The following MRPS31 variants were observed in gnomAD, a reference collection of about 807,000 sequenced individuals.
MRPS31 encodes mitochondrial ribosomal protein S31.
A neutral mutation model predicts 43.1 loss-of-function variants in MRPS31; 32 were observed. The ratio of observed to expected loss-of-function variants is 0.74; its 90% CI spans 0.56 to 1.00. MRPS31 has a LOEUF of 1.00. Ranked by LOEUF, MRPS31 falls within the 50% of genes least tolerant of loss-of-function variation. MRPS31 has a pLI of 0.00. For synonymous variants in MRPS31, 165 were observed against 161.6 expected (o/e 1.02, Z -0.16); for missense variants, 437 against 466.7 (o/e 0.94, Z 0.59).
rs374234655 is a variant in MRPS31 at position 40,729,508 on chromosome 13, A to T, written c.1052T>A (p.Met351Lys). 1.1e-5 allele frequency: 17 copies of T among 1,613,940 alleles called. No homozygotes were observed. Among genetic ancestry groups the T allele is most frequent in the Non-Finnish European group, 1.4e-5 (17 of 1,179,952 alleles). ...FPKQGPIRHF[M>K]ELVTCGLSKN... is the part of the protein sequence containing the mutation. ...GGAAAGGCCACAAGTCACCAGCTCC[A>T]TGAAGTGGCGAATTGGTCCTTGTTT... The change falls in exon 7 of 7, where the codon ATG (methionine) becomes AAG (lysine). Residue 351 changes from methionine (M) to lysine (K), a missense_variant. By Grantham distance (95) the Met-to-Lys change is moderately conservative. Coordinates refer to ENST00000323563, the MANE Select transcript of MRPS31 (RefSeq NM_005830.4).
At chr13:40,769,168 G>C (rs1262738834) in intron 1 of MRPS31, among the ~76,000 whole-genome samples, 2 of 151,584 alleles carry the variant, frequency 1.3e-5, no homozygotes, top group African/African-American at 4.9e-5. Context: ...ATGAGGTCAG[G>C]AGTTCAAGAC....
Position 40,769,446 on chromosome 13 carries a change from T to C in MRPS31, c.152+1539A>G, listed in dbSNP as rs899763374. ...TTATCAAGTTCTCAAAGCCAGAAAA[T>C]GGCAGCCGCAGGTTAAGGATACTTA... On this transcript the variant is annotated intron_variant, in intron 1 of 6. Coordinates refer to ENST00000323563, the MANE Select transcript of MRPS31 (RefSeq NM_005830.4). Among the ~76,000 whole-genome samples the C allele has an allele frequency of 6.0e-5, 8 of 133,454 alleles. No individual in the cohort carries two copies. In the East Asian group the frequency reaches 1.6e-3, roughly 28 times the overall value. The allele number at this position is 133,454 out of a possible 152,430, so 87.6% of individuals were successfully genotyped here. A position where few individuals can be genotyped will look rare whatever the true frequency, so the allele number is the denominator to read the frequency against.
chr13:40,744,185 A>G (rs781083440), intron 6 of MRPS31, among the ~76,000 whole-genome samples: 9 of 152,178 alleles, frequency 5.9e-5, no homozygotes, highest in Non-Finnish European at 1.0e-4. Flanking sequence ...AATGACAGAC[A>G]CTGGGGCCTA....
chr13:40,739,069 T>C (rs946952150), intron 6 of MRPS31, among the ~76,000 whole-genome samples: 1 of 152,222 alleles, frequency 6.6e-6, no homozygotes, highest in Non-Finnish European at 1.5e-5. Flanking sequence ...CTCCTTAAGC[T>C]GATAAGCAAC....
chr13:40,764,249 C>T (rs1880781472), intron 2 of MRPS31, among the ~76,000 whole-genome samples: 2 of 152,100 alleles, frequency 1.3e-5, no homozygotes, highest in Admixed American at 1.3e-4. Context: ...TGCACAAGCC[C>T]CTTACATAAA....
At chr13:40,765,431 CAATTAT>C (rs1416019431) in intron 2 of MRPS31, among the ~76,000 whole-genome samples, 11 of 152,254 alleles carry the variant, frequency 7.2e-5, no homozygotes, top group African/African-American at 1.9e-4. Flanking sequence ...ATCGTTAATT[CAATTAT>C]AATTATAATA....
intron 4 of MRPS31, among the ~76,000 whole-genome samples, chr13:40,756,105 T>C (rs1593449618): frequency 6.6e-6 from 1 of 152,192 alleles, no homozygotes; most frequent in East Asian, 1.9e-4. Flanking sequence ...AAGAGTTAAC[T>C]CAAGTTTCTG....
At chr13:40,764,775 C>A (rs1354964816) in intron 2 of MRPS31, among the ~76,000 whole-genome samples, 1 of 152,178 alleles carries the variant, frequency 6.6e-6, no homozygotes, top group Non-Finnish European at 1.5e-5. Context: ...ACAATTCCAG[C>A]CTCAGACTTC....
At chr13:40,739,724 C>T (rs919985726) in intron 6 of MRPS31, among the ~76,000 whole-genome samples, 4 of 151,038 alleles carry the variant, frequency 2.6e-5, no homozygotes, top group African/African-American at 4.9e-5. Flanking sequence ...GCTGGGAAAA[C>T]GGGCTAGCCA....
intron 6 of MRPS31, among the ~76,000 whole-genome samples, chr13:40,746,613 C>T (rs551122484): frequency 3.3e-5 from 5 of 152,314 alleles, no homozygotes; most frequent in Admixed American, 1.3e-4. Flanking sequence ...AATTTGATCA[C>T]TCAAGATTTT....
chr13:40,764,575 C>T (rs1160528548), intron 2 of MRPS31, among the ~76,000 whole-genome samples: 1 of 152,114 alleles, frequency 6.6e-6, no homozygotes, highest in African/African-American at 2.4e-5. Context: ...TATTACAAGG[C>T]TAGGTCATTA....
chr13:40,763,763 G>A (rs927614253), intron 2 of MRPS31, among the ~76,000 whole-genome samples: 9 of 152,210 alleles, frequency 5.9e-5, no homozygotes, highest in African/African-American at 2.2e-4. Flanking sequence ...GAACAAGATA[G>A]AGGTAACACA....
rs74220471 is a variant in MRPS31, at chr13:40,734,210, A to G, written c.959-4609T>C. 2.0e-3 allele frequency among the ~76,000 whole-genome samples: 308 copies of G among 152,312 alleles called. 4 individuals are homozygous for G. In the East Asian group the frequency reaches 0.047, roughly 23 times the overall value. ...TAAACCATTAAAAAAGTACCAAGAC[A>G]GAGGAAAGATATTTTATATATCAAG... On this transcript the variant is annotated intron_variant, in intron 6 of 6. Coordinates refer to ENST00000323563, the MANE Select transcript of MRPS31 (RefSeq NM_005830.4).
intron 6 of MRPS31, among the ~76,000 whole-genome samples, chr13:40,744,196 T>C (rs1381312552): frequency 6.6e-6 from 1 of 152,160 alleles, no homozygotes; most frequent in Non-Finnish European, 1.5e-5. Flanking sequence ...CTGGGGCCTA[T>C]TTGAGGGTGG....
rs1428313616 is a variant in MRPS31 at position 40,729,470 on chromosome 13, G to T, written c.1090C>A (p.Leu364Ile). 7 of 1,611,976 alleles carry T rather than the reference G, an allele frequency of 4.3e-6. No individual in the cohort carries two copies. The South Asian group carries it at 6.6e-5, about 15-fold the overall frequency. The change falls in exon 7 of 7, where the codon CTT (leucine) becomes ATT (isoleucine). Residue 364 changes from leucine to isoleucine, a missense_variant. Leu to Ile is a conservative substitution (Grantham distance 5). Transcript: ENST00000323563. The stretch of plus-strand genomic sequence containing the variant: ...TGTTCAACCTTCTGTTTAACACTAA[G>T]ATATGGGTTTTTGGAAAGGCCACAA... ...VTCGLSKNPY[L>I]SVKQKVEHIE...
chr13:40,765,512 T>C (rs1448753311), intron 2 of MRPS31, among the ~76,000 whole-genome samples: 2 of 152,330 alleles, frequency 1.3e-5, no homozygotes, highest in South Asian at 2.1e-4. Flanking sequence ...AAAGTATTTA[T>C]ATATGTTTGT....
intron 6 of MRPS31, among the ~76,000 whole-genome samples, chr13:40,741,184 G>C (rs1354627182): frequency 1.3e-5 from 2 of 151,802 alleles, no homozygotes; most frequent in Non-Finnish European, 2.9e-5. Context: ...TTGGCTCTGA[G>C]AACAGGCTTA....
chr13:40,761,687 A>T (rs1880699198), intron 2 of MRPS31, among the ~76,000 whole-genome samples: 1 of 152,166 alleles, frequency 6.6e-6, no homozygotes, highest in Non-Finnish European at 1.5e-5. Flanking sequence ...CATTAATACA[A>T]ACTTTTCCCC....
intron 6 of MRPS31, among the ~76,000 whole-genome samples, chr13:40,732,605 G>C (rs1879731072): frequency 6.6e-6 from 1 of 152,080 alleles, no homozygotes; most frequent in South Asian, 2.1e-4. Context: ...GTGGTGGTGT[G>C]CACCTGTAGT....
Sources: allele counts gnomAD v4.1 joint callset (sites outside exome capture counted in the v4.1 genomes callset), GRCh38; gene constraint gnomAD v4.1.1; transcripts MANE v1.5; gene names NCBI Gene and HGNC (gene_info 2026-07-23, HGNC 2026-07-21).